Variants in GREB1L observed in about 807,000 individuals in gnomAD.
GREB1L encodes the protein GREB1-like protein.
In GREB1L, 17 loss-of-function variants were observed where a neutral mutation model predicts 200.8. That is an observed-to-expected ratio of 0.08 (90% CI 0.06 to 0.13). The LOEUF (loss-of-function observed/expected upper bound fraction) is 0.13. Ranked by LOEUF, GREB1L falls within the 10% of genes least tolerant of loss-of-function variation. The pLI, the probability that GREB1L is intolerant of heterozygous loss-of-function variation, is 1.00. For synonymous variants in GREB1L, 789 were observed against 893.0 expected, an observed-to-expected ratio of 0.88 and a Z score of 2.08; for missense variants, 1,657 against 2,367.7, an observed-to-expected ratio of 0.70 and a Z score of 6.23.
intron 1 of GREB1L, among the ~76,000 whole-genome samples, chr18:21,246,130 A>T (rs2143845565): frequency 6.6e-6 from 1 of 152,072 alleles, no homozygotes; most frequent in East Asian, 1.9e-4. Flanking sequence ...TGTAGTTGTA[A>T]ATGGGTGGGT....
intron 15 of GREB1L, among the ~76,000 whole-genome samples, chr18:21,459,987 C>T (rs1372838815): frequency 2.6e-5 from 4 of 152,118 alleles, no homozygotes; most frequent in African/African-American, 4.8e-5. Context: ...AATGACTGCC[C>T]GCCTCGTCAT....
At chr18:21,355,630 C>T (rs2039492301) in intron 1 of GREB1L, among the ~76,000 whole-genome samples, 1 of 152,104 alleles carries the variant, frequency 6.6e-6, no homozygotes, top group South Asian at 2.1e-4. Flanking sequence ...GAGAAGCAGC[C>T]TATGGATACA....
chr18:21,497,187 A>G (rs2036577971), intron 21 of GREB1L, among the ~76,000 whole-genome samples: 1 of 152,198 alleles, frequency 6.6e-6, no homozygotes, highest in South Asian at 2.1e-4. Context: ...GCCACTGTCA[A>G]TGGTGAAGGC....
At chr18:21,285,995 A>G (rs1443722166) in intron 1 of GREB1L, among the ~76,000 whole-genome samples, 2 of 152,210 alleles carry the variant, frequency 1.3e-5, no homozygotes, top group African/African-American at 4.8e-5. Context: ...TGTGATGAAG[A>G]CCAGTTTATT....
At chr18:21,478,325 A>G (rs1260165500) in intron 17 of GREB1L, among the ~76,000 whole-genome samples, 1 of 152,152 alleles carries the variant, frequency 6.6e-6, no homozygotes, top group African/African-American at 2.4e-5. Context: ...ATGACCTGAA[A>G]CTGTATGCTA....
rs1461547134 is a variant in GREB1L, at chr18:21,388,624, A to G, written c.355+4221A>G. Among the ~76,000 whole-genome samples, 3 of 141,782 alleles carry G rather than the reference A, an allele frequency of 2.1e-5. No individual in the cohort carries two copies. In the East Asian group the frequency reaches 6.3e-4, roughly 30 times the overall value. The allele number at this position is 141,782 out of a possible 152,430, so 93.0% of individuals were successfully genotyped here. A position where few individuals can be genotyped will look rare whatever the true frequency, so the allele number is the denominator to read the frequency against. ...TGGTGGTGCGATCTCGGCTCACTGC[A>G]AGCTCCGCCTCCCGGGTTCACACCA... On this transcript the variant is annotated intron_variant, in intron 4 of 32. Coordinates refer to ENST00000424526, the MANE Select transcript of GREB1L (RefSeq NM_001142966.3).
chr18:21,479,057 T>G (rs2035818547), intron 17 of GREB1L, among the ~76,000 whole-genome samples: 1 of 151,942 alleles, frequency 6.6e-6, no homozygotes, highest in South Asian at 2.1e-4. Context: ...AATTTTTGTT[T>G]TTTTAATAGA....
At chr18:21,288,230 C>G (rs897985683) in intron 1 of GREB1L, among the ~76,000 whole-genome samples, 2 of 151,836 alleles carry the variant, frequency 1.3e-5, no homozygotes, top group Admixed American at 1.3e-4. Context: ...GCCCCAAAAG[C>G]TTTTTTTCCC....
In GREB1L at chr18:21,519,006, G is replaced by A. The variant is rs139765473; in HGVS notation, c.5472+772G>A. 4.4e-4 allele frequency among the ~76,000 whole-genome samples: 67 copies of A among 151,766 alleles called. 2 individuals are homozygous for A. The East Asian group carries it at 0.012, about 27-fold the overall frequency. The stretch of plus-strand genomic sequence containing the variant: ...GAAAAAAACACACATATCCATACAC[G>A]TACTCTTTTAACGCTAAAGTCACTG... On this transcript the variant is annotated intron_variant, in intron 31 of 32. Coordinates refer to ENST00000424526, the MANE Select transcript of GREB1L (RefSeq NM_001142966.3).
At chr18:21,297,556 G>A (rs2038550384) in intron 1 of GREB1L, among the ~76,000 whole-genome samples, 1 of 152,130 alleles carries the variant, frequency 6.6e-6, no homozygotes, top group African/African-American at 2.4e-5. Flanking sequence ...CATATAGAAT[G>A]GACTGTGTTG....
chr18:21,246,535 T>G (rs1454847880), intron 1 of GREB1L, among the ~76,000 whole-genome samples: 1 of 152,162 alleles, frequency 6.6e-6, no homozygotes, highest in Admixed American at 6.5e-5. Flanking sequence ...TCCGCCATAT[T>G]GCTATAGTTT....
At chr18:21,345,466 A>G (rs1393227383) in intron 1 of GREB1L, among the ~76,000 whole-genome samples, 2 of 152,204 alleles carry the variant, frequency 1.3e-5, no homozygotes, top group Non-Finnish European at 2.9e-5. Context: ...TTGAAGTATG[A>G]TGGATCTGTG....
intron 1 of GREB1L, among the ~76,000 whole-genome samples, chr18:21,336,992 A>G (rs751553862): frequency 2.6e-5 from 4 of 152,214 alleles, no homozygotes; most frequent in Non-Finnish European, 5.9e-5. Context: ...TAACTTTTCC[A>G]TGAAATGAGG....
chr18:21,386,437 C>T (rs2144126624), intron 4 of GREB1L, among the ~76,000 whole-genome samples: 1 of 152,140 alleles, frequency 6.6e-6, no homozygotes. Flanking sequence ...ATAACAGGTG[C>T]CCGCCACCAC....
intron 21 of GREB1L, among the ~76,000 whole-genome samples, chr18:21,498,964 C>T (rs1281049640): frequency 2.0e-5 from 3 of 152,194 alleles, no homozygotes; most frequent in Non-Finnish European, 4.4e-5. Flanking sequence ...TGTCTTTAAA[C>T]CAAAGAGTGG....
chr18:21,359,266 A>G (rs763217476), intron 1 of GREB1L, among the ~76,000 whole-genome samples: 16 of 152,224 alleles, frequency 1.1e-4, no homozygotes, highest in African/African-American at 2.4e-5. Context: ...CCTGGCCAAC[A>G]TGGTGAAATC....
chr18:21,245,215 T>A (rs1376641870), intron 1 of GREB1L, among the ~76,000 whole-genome samples: 1 of 152,176 alleles, frequency 6.6e-6, no homozygotes, highest in Non-Finnish European at 1.5e-5. Context: ...GCAAAAAGTG[T>A]TGATGTTAAG....
Position 21,306,155 on chromosome 18 carries a change from T to G in GREB1L, c.-119-59872T>G, listed in dbSNP as rs955327441. Reference sequence around the variant, plus strand: ...ACCATGAGGGTGGGGACCTTGTCTGTCTTGTTCACTGAGGTATCCCCAGTG... The same window carrying G: ...ACCATGAGGGTGGGGACCTTGTCTGGCTTGTTCACTGAGGTATCCCCAGTG... On this transcript the variant is annotated intron_variant, in intron 1 of 32. Transcript: ENST00000424526. Among the ~76,000 whole-genome samples the G allele has an allele frequency of 1.1e-4, 16 of 152,194 alleles. 1 individual carries two copies. The highest frequency in any genetic ancestry group is 5.9e-5 in the Non-Finnish European group (4 of 68,030).
At position 21,440,323 on chromosome 18, in the gene GREB1L, G is replaced by C. The variant is rs750351022; in HGVS notation, c.1004G>C (p.Gly335Ala). 12 of 1,551,198 alleles carry C rather than the reference G, an allele frequency of 7.7e-6. No individual in the cohort carries two copies. The South Asian group carries it at 1.3e-4, about 17-fold the overall frequency. Residue 335 changes from glycine (G) to alanine (A), a missense_variant, in exon 9 of 33, where the codon GGG becomes GCG. Transcript: ENST00000424526. ...AAACGACACCGGGGATGGTATCCTG[G>C]GTCACCTCTCCCCCAACCTGGCTTA... ...PKKRHRGWYP[G>A]SPLPQPGLVV...
Sources: gnomAD v4.1 joint callset for allele counts (sites outside exome capture counted in the v4.1 genomes callset) on GRCh38, gnomAD v4.1.1 for gene constraint, MANE v1.5 for transcripts, NCBI Gene and HGNC (gene_info 2026-07-23, HGNC 2026-07-21) for gene names.